The following EXOC5 variants were observed in gnomAD, a reference collection of about 807,000 sequenced individuals.
The protein encoded by EXOC5 is exocyst complex component 5, also known as SEC10-like 1.
EXOC5 carries 17 observed loss-of-function variants against 90.8 expected under a neutral mutation model. The ratio of observed to expected loss-of-function variants is 0.19; its 90% confidence interval spans 0.13 to 0.28. The LOEUF (loss-of-function observed/expected upper bound fraction) is 0.28. Among genes scored for constraint, EXOC5 ranks in the 10% least tolerant of loss-of-function variants. The pLI, the probability that EXOC5 is intolerant of heterozygous loss-of-function variation, is 1.00. For synonymous variants in EXOC5, 260 were observed against 270.0 expected, an observed-to-expected ratio of 0.96 and a Z score of 0.36; for missense variants, 569 against 830.6, an observed-to-expected ratio of 0.69 and a Z score of 3.87.
chr14:57,202,330 G>T lies in EXOC5; in HGVS notation c.*6279C>A, dbSNP rs886227788. ...TCCTTAAAAGGAATTAGGACAGCTA[G>T]TAAAATGATTGGTGTCTGAGGATTA... On this transcript the variant is annotated 3_prime_UTR_variant, in exon 18 of 18. Transcript: ENST00000621441. 3 of 152,160 alleles carry T rather than the reference G, an allele frequency of 2.0e-5. No individual in the cohort carries two copies. Among genetic ancestry groups the T allele is most frequent in the African/African-American group, 7.2e-5 (3 of 41,442 alleles). 9.4% of individuals were successfully genotyped at this position (152,160 alleles called of 1,614,324 possible).
intron 1 of EXOC5, 27 bp downstream of exon 1, chr14:57,268,593 CCA>C: frequency 1.9e-6 from 3 of 1,584,118 alleles, no homozygotes; most frequent in Non-Finnish European, 2.6e-6. Context: ...CCCGGGCCTG[CCA>C]CTCCCTGTAG....
chr14:57,221,974 A>G (rs1883153314), intron 13 of EXOC5, among the ~76,000 whole-genome samples: 1 of 152,042 alleles, frequency 6.6e-6, no homozygotes. Context: ...CTCTTTCTAA[A>G]TTTTACATTA....
chr14:57,234,162 A>G, intron 7 of EXOC5, 130 bp from the exon 8 acceptor site: 1 of 631,008 alleles, frequency 1.6e-6, no homozygotes. Context: ...CACCTGTTGG[A>G]CTTAAATAAA....
In EXOC5 at chr14:57,246,800, G is replaced by C. The variant is rs1884045757; in HGVS notation, c.181C>G (p.Gln61Glu). ...QELQIMDERIQRKVEKLEQQC... is the reference protein window; with the variant it reads ...QELQIMDERIERKVEKLEQQC... ...TGCTCTAGTTTCTCTACTTTCCTCT[G>C]AATCCTTTCATCCATTATCTGGAGT... Residue 61 changes from glutamine (Q) to glutamate (E), a missense_variant, in exon 3 of 18, where the codon CAG becomes GAG. Gln to Glu is a conservative substitution (Grantham distance 29). Transcript: ENST00000621441. The C allele has an allele frequency of 6.2e-7, 1 of 1,603,024 alleles. No individual in the cohort carries two copies. The highest frequency in any genetic ancestry group is 8.5e-7 in the Non-Finnish European group (1 of 1,172,780).
chr14:57,266,414 G>A (rs1228749509), intron 1 of EXOC5, among the ~76,000 whole-genome samples: 1 of 152,082 alleles, frequency 6.6e-6, no homozygotes, highest in Admixed American at 6.5e-5. Flanking sequence ...GTCCACTGTA[G>A]GGCTGGATTC....
At chr14:57,260,991 T>C (rs1204886343) in intron 1 of EXOC5, among the ~76,000 whole-genome samples, 1 of 152,224 alleles carries the variant, frequency 6.6e-6, no homozygotes, top group African/African-American at 2.4e-5. Flanking sequence ...AAAGAATCAT[T>C]TGCTTCTTTC....
chr14:57,256,719 C>T (rs1884358803), intron 1 of EXOC5, among the ~76,000 whole-genome samples: 1 of 152,182 alleles, frequency 6.6e-6, no homozygotes, highest in Non-Finnish European at 1.5e-5. Flanking sequence ...TCATCAGATG[C>T]AAAGAGACAC....
intron 5 of EXOC5, 132 bp downstream of exon 5, chr14:57,239,463 G>T: frequency 1.6e-6 from 1 of 614,512 alleles, no homozygotes; most frequent in Admixed American, 3.5e-5. Flanking sequence ...AAACTAGCAA[G>T]TAAATGAACC....
At chr14:57,264,553 T>G (rs184859637) in intron 1 of EXOC5, among the ~76,000 whole-genome samples, 2 of 152,272 alleles carry the variant, frequency 1.3e-5, no homozygotes, top group Non-Finnish European at 2.9e-5. Context: ...CCTCCAAAAT[T>G]AAACCCCGAT....
At chr14:57,239,104 G>C (rs931958556) in intron 5 of EXOC5, among the ~76,000 whole-genome samples, 1 of 152,070 alleles carries the variant, frequency 6.6e-6, no homozygotes, top group African/African-American at 2.4e-5. Context: ...ATAGGCTAGA[G>C]TCTAAAACTC....
rs113038140 is a variant in EXOC5 at position 57,242,210 on chromosome 14, G to GT, written c.465+1954dup. ...AGGACAGAGGTAAACACATAATAGG[G>GT]TTTTTTTTGTTTTTGTTTTTGTTTT... On this transcript the variant is annotated intron_variant, in intron 4 of 17. Transcript: ENST00000621441. Among the ~76,000 whole-genome samples the GT allele has an allele frequency of 8.6e-4, 130 of 151,536 alleles. No homozygotes were observed. The East Asian group carries it at 0.017, about 19-fold the overall frequency.
chr14:57,233,806 G>T lies in EXOC5; in HGVS notation c.792C>A (p.Ile264=), dbSNP rs1883559893. 1 of 1,602,794 alleles carries T rather than the reference G, an allele frequency of 6.2e-7. No individual in the cohort carries two copies. The highest frequency in any genetic ancestry group is 8.5e-7 in the Non-Finnish European group (1 of 1,170,088). ...CQRVNKQVGD[I]FSNPETVLAK... is the part of the protein sequence containing the mutation. ...CCAGGACTGTTTCTGGATTACTGAA[G>T]ATATCTCCAACTTGTTTGTTCACTC... Residue 264 remains isoleucine (I), a synonymous_variant, in exon 9 of 18, where the codon ATC becomes ATA. Coordinates refer to ENST00000621441, the MANE Select transcript of EXOC5 (RefSeq NM_006544.4).
chr14:57,239,376 T>C (rs966193119), intron 5 of EXOC5, among the ~76,000 whole-genome samples: 4 of 152,214 alleles, frequency 2.6e-5, no homozygotes, highest in Non-Finnish European at 4.4e-5. Context: ...TCAAGGCCTA[T>C]CATTAAATTT....
At chr14:57,261,570 A>G (rs1330594836) in intron 1 of EXOC5, among the ~76,000 whole-genome samples, 1 of 152,240 alleles carries the variant, frequency 6.6e-6, no homozygotes, top group Non-Finnish European at 1.5e-5. Context: ...GGCCTCTGTT[A>G]CAGTTATCTA....
In EXOC5 at chr14:57,210,078, AC is replaced by A; in HGVS notation, c.1614-18del. Reference sequence around the variant, plus strand: ...TTTAATGTCCTAGAGAATTGAGAATACAACATTCTTTAACCCATCTAACTTA... The same window carrying A: ...TTTAATGTCCTAGAGAATTGAGAATAAACATTCTTTAACCCATCTAACTTA... On this transcript the variant is annotated intron_variant, in intron 15 of 17. Transcript: ENST00000621441. 1.6e-6 allele frequency: 2 copies of A among 1,251,558 alleles called. No homozygotes were observed. The highest frequency in any genetic ancestry group is 2.3e-6 in the Non-Finnish European group (2 of 858,382). The allele number at this position is 1,251,558 out of a possible 1,614,324, so 77.5% of individuals were successfully genotyped here. A position where few individuals can be genotyped will look rare whatever the true frequency, so the allele number is the denominator to read the frequency against.
intron 15 of EXOC5, among the ~76,000 whole-genome samples, chr14:57,210,743 T>G (rs114114111): frequency 7.2e-5 from 11 of 152,196 alleles, no homozygotes; most frequent in African/African-American, 2.6e-4. Flanking sequence ...CACTCACACA[T>G]AAGTACTTAA....
intron 1 of EXOC5, among the ~76,000 whole-genome samples, chr14:57,263,540 G>A (rs1232932290): frequency 1.3e-5 from 2 of 151,736 alleles, no homozygotes; most frequent in African/African-American, 4.8e-5. Context: ...GGCCGAGGCA[G>A]GTCGATCATG....
At chr14:57,264,991 T>C (rs984734145) in intron 1 of EXOC5, among the ~76,000 whole-genome samples, 13 of 152,100 alleles carry the variant, frequency 8.5e-5, no homozygotes, top group Non-Finnish European at 4.4e-5. Context: ...TAAAAGTCTC[T>C]TTAAAAAAGA....
At chr14:57,251,559 A>G (rs1397188727) in intron 1 of EXOC5, among the ~76,000 whole-genome samples, 5 of 152,218 alleles carry the variant, frequency 3.3e-5, no homozygotes, top group Non-Finnish European at 7.3e-5. Flanking sequence ...ATTTGCAACT[A>G]GAAACATTTA....
Sources: gnomAD v4.1 joint callset for allele counts (sites outside exome capture counted in the v4.1 genomes callset) on GRCh38, gnomAD v4.1.1 for gene constraint, MANE v1.5 for transcripts, NCBI Gene and HGNC (gene_info 2026-07-23, HGNC 2026-07-21) for gene names.